Variants in ZNF474 observed in about 807,000 individuals in gnomAD.
ZNF474 encodes the protein zinc finger protein 474, also known as 4933409D10Rik.
For missense variants in ZNF474, 511 were observed against 433.8 expected (o/e 1.18, Z -1.58); for synonymous variants, 192 against 162.2 (o/e 1.18, Z -1.39).
At chr5:122,145,506 A>G (rs13168122) in intron 1 of ZNF474, among the ~76,000 whole-genome samples, 1 of 152,120 alleles carries the variant, frequency 6.6e-6, no homozygotes, top group African/African-American at 2.4e-5. Flanking sequence ...TCACTTTGCT[A>G]TGGCTTCCTC....
intron 1 of ZNF474, among the ~76,000 whole-genome samples, chr5:122,135,217 C>T (rs1755672523): frequency 1.3e-5 from 2 of 152,182 alleles, no homozygotes; most frequent in African/African-American, 4.8e-5. Flanking sequence ...CACCTATAAT[C>T]CCAGCTACTC....
intron 1 of ZNF474, among the ~76,000 whole-genome samples, chr5:122,131,591 G>A (rs1473774826): frequency 6.6e-6 from 1 of 151,758 alleles, no homozygotes; most frequent in Non-Finnish European, 1.5e-5. Flanking sequence ...TCACTTATAT[G>A]TGGGGAAAAA....
rs1472542286 is a variant in ZNF474, at chr5:122,152,582, C to A, written c.592C>A (p.His198Asn). Residue 198 changes from histidine (H) to asparagine (N), a missense_variant, in exon 2 of 2, where the codon CAC (histidine) becomes AAC (asparagine). By Grantham distance (68) the His-to-Asn change is moderately conservative (BLOSUM62 1). Coordinates refer to ENST00000296600, the MANE Select transcript of ZNF474 (RefSeq NM_207317.3). ...KPKGEGPRAPHSNSSDHLTGL... is the reference protein window; with the variant it reads ...KPKGEGPRAPNSNSSDHLTGL... ...AAAGGGTGAGGGTCCCAGAGCACCA[C>A]ACTCAAACAGTTCTGATCATCTTAC... The A allele has an allele frequency of 6.2e-7, 1 of 1,614,100 alleles. No homozygotes were observed. The highest frequency in any genetic ancestry group is 1.7e-5 in the Admixed American group (1 of 60,000).
At position 122,153,232 on chromosome 5, in the gene ZNF474, A is replaced by G. The variant is rs1297975084; in HGVS notation, c.*147A>G. 6 of 967,470 alleles carry G rather than the reference A, an allele frequency of 6.2e-6. No individual in the cohort carries two copies. The East Asian group carries it at 1.3e-4, about 21-fold the overall frequency. 59.9% of individuals were successfully genotyped at this position (967,470 alleles called of 1,614,324 possible). A position where few individuals can be genotyped will look rare whatever the true frequency, so the allele number is the denominator to read the frequency against. On this transcript the variant is annotated 3_prime_UTR_variant, in exon 2 of 2. Transcript: ENST00000296600. Reference sequence around the variant, plus strand: ...CTATACCTCTCTTGGCTGAATAGATATAAGAACATCCTTGCCTGATGGGTT... The same window carrying G: ...CTATACCTCTCTTGGCTGAATAGATGTAAGAACATCCTTGCCTGATGGGTT...
chr5:122,134,379 T>C (rs1349153667), intron 1 of ZNF474, among the ~76,000 whole-genome samples: 2 of 152,202 alleles, frequency 1.3e-5, no homozygotes, highest in African/African-American at 4.8e-5. Flanking sequence ...TCTGGTTGCA[T>C]TGAGTGCTAT....
intron 1 of ZNF474, among the ~76,000 whole-genome samples, chr5:122,139,107 G>A (rs540454189): frequency 6.6e-6 from 1 of 152,220 alleles, no homozygotes; most frequent in South Asian, 2.1e-4. Flanking sequence ...TCAGTTCCAA[G>A]TGAACCATCT....
intron 1 of ZNF474, among the ~76,000 whole-genome samples, chr5:122,131,626 T>C (rs1360862772): frequency 1.3e-5 from 2 of 152,048 alleles, no homozygotes; most frequent in African/African-American, 4.8e-5. Context: ...CAAGTCTTAT[T>C]AGATATATGT....
chr5:122,143,673 C>A (rs1396853519), intron 1 of ZNF474, among the ~76,000 whole-genome samples: 1 of 152,082 alleles, frequency 6.6e-6, no homozygotes, highest in East Asian at 1.9e-4. Context: ...TCCTGTAATC[C>A]CCACAAGGAA....
At chr5:122,137,567 T>G (rs955190679) in intron 1 of ZNF474, among the ~76,000 whole-genome samples, 7 of 151,070 alleles carry the variant, frequency 4.6e-5, no homozygotes, top group Non-Finnish European at 1.0e-4. Flanking sequence ...GGAGGAAGAT[T>G]CTAGGCAATG....
chr5:122,136,908 C>T (rs1008711965), intron 1 of ZNF474, among the ~76,000 whole-genome samples: 1 of 152,188 alleles, frequency 6.6e-6, no homozygotes, highest in Non-Finnish European at 1.5e-5. Flanking sequence ...TTATGACCTA[C>T]AATGTGCCTG....
At position 122,141,322 on chromosome 5, in the gene ZNF474, T is replaced by G. The variant is rs1016233356; in HGVS notation, c.-212-10457T>G. On this transcript the variant is annotated intron_variant, in intron 1 of 1. Coordinates refer to ENST00000296600, the MANE Select transcript of ZNF474 (RefSeq NM_207317.3). The stretch of plus-strand genomic sequence containing the variant: ...GCTATTTTTTTTTTTTTTTTTTTTT[T>G]TTTGTGAGAGGGAGTCTCCCTCTCT... Among the ~76,000 whole-genome samples, 131 of 140,708 alleles carry G rather than the reference T, an allele frequency of 9.3e-4. 1 individual carries two copies. The highest frequency in any genetic ancestry group is 3.2e-3 in the African/African-American group (120 of 37,174). The allele number at this position is 140,708 out of a possible 152,430, so 92.3% of individuals were successfully genotyped here. A position where few individuals can be genotyped will look rare whatever the true frequency, so the allele number is the denominator to read the frequency against.
rs759496352 is a variant in ZNF474 at position 122,152,245 on chromosome 5, T to A, written c.255T>A (p.Pro85=). 6.2e-7 allele frequency: 1 copy of A among 1,614,198 alleles called. No homozygotes were observed. ...RIISESQLSP[P]VIPARRPGFR... ...TATCGGAAAGCCAGCTTAGCCCCCC[T>A]GTGATCCCGGCCCGCAGGCCTGGAT... is the stretch of plus-strand genomic sequence containing the variant. The change falls in exon 2 of 2, where the codon CCT becomes CCA. Residue 85 remains proline, a synonymous_variant. Coordinates refer to ENST00000296600, the MANE Select transcript of ZNF474 (RefSeq NM_207317.3).
At position 122,136,571 on chromosome 5, in the gene ZNF474, A is replaced by C. The variant is rs75329629; in HGVS notation, c.-213+6888A>C. Among the ~76,000 whole-genome samples, 78 of 152,294 alleles carry C rather than the reference A, an allele frequency of 5.1e-4. 1 individual carries two copies. Among genetic ancestry groups the C allele is most frequent in the African/African-American group, 1.9e-3 (78 of 41,574 alleles). On this transcript the variant is annotated intron_variant, in intron 1 of 1. Coordinates refer to ENST00000296600, the MANE Select transcript of ZNF474 (RefSeq NM_207317.3). ...GGTTGCTCACTACTTGATAATCTTTACCATGAGGTATAGTGCTTGGTCTAG... is the reference window on the plus strand; with the variant it reads ...GGTTGCTCACTACTTGATAATCTTTCCCATGAGGTATAGTGCTTGGTCTAG...
intron 1 of ZNF474, among the ~76,000 whole-genome samples, chr5:122,134,263 G>C (rs1242180539): frequency 6.6e-6 from 1 of 152,180 alleles, no homozygotes; most frequent in Non-Finnish European, 1.5e-5. Context: ...GAATGGCAAA[G>C]TGCAAATAGA....
chr5:122,138,282 T>C (rs1755756438), intron 1 of ZNF474, among the ~76,000 whole-genome samples: 3 of 152,188 alleles, frequency 2.0e-5, no homozygotes, highest in Admixed American at 2.0e-4. Context: ...TTAGAGTGTC[T>C]GTTAGTGCCT....
Position 122,153,145 on chromosome 5 carries a change from C to A in ZNF474, c.*60C>A. The A allele has an allele frequency of 6.5e-7, 1 of 1,541,038 alleles. No homozygotes were observed. ...CCTCAGCCCCTAGTATTTTTTCTATCAATGCCTTGTATCAGCCTCAAAGCA... is the reference window on the plus strand; with the variant it reads ...CCTCAGCCCCTAGTATTTTTTCTATAAATGCCTTGTATCAGCCTCAAAGCA... On this transcript the variant is annotated 3_prime_UTR_variant, in exon 2 of 2. Coordinates refer to ENST00000296600, the MANE Select transcript of ZNF474 (RefSeq NM_207317.3).
At chr5:122,150,376 T>A (rs72786992) in intron 1 of ZNF474, among the ~76,000 whole-genome samples, 2,162 of 152,320 alleles carry the variant, frequency 0.014, 21 homozygotes, top group Middle Eastern at 0.034. Flanking sequence ...TTGATACTCT[T>A]AAAGGCAAGG....
chr5:122,150,901 A>G (rs765240009), intron 1 of ZNF474, among the ~76,000 whole-genome samples: 3 of 152,226 alleles, frequency 2.0e-5, no homozygotes, highest in Non-Finnish European at 4.4e-5. Context: ...GCATCTGTGT[A>G]TCATCTTTCC....
At chr5:122,142,700 G>C (rs1210785895) in intron 1 of ZNF474, among the ~76,000 whole-genome samples, 1 of 152,182 alleles carries the variant, frequency 6.6e-6, no homozygotes, top group Non-Finnish European at 1.5e-5. Flanking sequence ...CCATGAAAGA[G>C]AGTCTTGTTG....
Sources: allele counts gnomAD v4.1 joint callset (sites outside exome capture counted in the v4.1 genomes callset), GRCh38; gene constraint gnomAD v4.1.1; transcripts MANE v1.5; gene names NCBI Gene and HGNC (gene_info 2026-07-23, HGNC 2026-07-21).